Variants in THRB observed in about 807,000 individuals in gnomAD.
The protein encoded by THRB is thyroid hormone receptor beta, also known as nuclear receptor subfamily 1 group A member 2.
In THRB, 12 loss-of-function variants were observed where a neutral mutation model predicts 47.8. The observed-to-expected ratio is 0.25, with a 90% CI of 0.16 to 0.41. THRB has a LOEUF of 0.41. Among genes scored for constraint, THRB ranks in the 10% least tolerant of loss-of-function variants. THRB has a pLI of 1.00. For synonymous variants in THRB, 218 were observed against 212.2 expected (o/e 1.03, Z -0.24); for missense variants, 348 against 589.2 (o/e 0.59, Z 4.24).
At chr3:24,449,315 G>A (rs1458756962) in intron 1 of THRB, among the ~76,000 whole-genome samples, 2 of 152,038 alleles carry the variant, frequency 1.3e-5, no homozygotes, top group Admixed American at 6.6e-5. Context: ...AGCAGGGAAG[G>A]TCACTTTCAT....
intron 5 of THRB, among the ~76,000 whole-genome samples, chr3:24,168,207 ATTGAAT>A (rs2039907851): frequency 6.6e-6 from 1 of 152,146 alleles, no homozygotes; most frequent in African/African-American, 2.4e-5. Context: ...CAACACTTAC[ATTGAAT>A]TTGAAATATG....
At chr3:24,451,698 C>T (rs569625399) in intron 1 of THRB, among the ~76,000 whole-genome samples, 181 of 152,340 alleles carry the variant, frequency 1.2e-3, no homozygotes, top group Middle Eastern at 6.8e-3. Flanking sequence ...TGGAAAGGCT[C>T]ATCTCCTCAG....
At chr3:24,336,275 T>G (rs1206318112) in intron 2 of THRB, among the ~76,000 whole-genome samples, 1 of 152,170 alleles carries the variant, frequency 6.6e-6, no homozygotes, top group Non-Finnish European at 1.5e-5. Context: ...TACAATCAGA[T>G]AGCACCACCC....
At chr3:24,324,177 T>A (rs1303676116) in intron 2 of THRB, among the ~76,000 whole-genome samples, 1 of 152,132 alleles carries the variant, frequency 6.6e-6, no homozygotes, top group Non-Finnish European at 1.5e-5. Flanking sequence ...ACACCGCACA[T>A]CTCAGTTTCT....
In THRB at chr3:24,141,719, T is replaced by C. The variant is rs75218240; in HGVS notation, c.738+1782A>G. On this transcript the variant is annotated intron_variant, in intron 8 of 10. Coordinates refer to ENST00000646209, the MANE Select transcript of THRB (RefSeq NM_001354712.2). The stretch of plus-strand genomic sequence containing the variant: ...CCTTCTCTATGGGGAGTAAAGACAA[T>C]AAAAGTATAAAATTCCCGGGAGAAG... Among the ~76,000 whole-genome samples, 735 of 152,252 alleles carry C rather than the reference T, an allele frequency of 4.8e-3. 1 individual carries two copies. Among genetic ancestry groups the C allele is most frequent in the Non-Finnish European group, 7.3e-3 (494 of 68,004 alleles).
intron 3 of THRB, among the ~76,000 whole-genome samples, chr3:24,243,068 GAAAAAAAAAAAAAAA>G: frequency 1.1e-5 from 1 of 91,966 alleles, no homozygotes; most frequent in East Asian, 3.5e-4. Flanking sequence ...GCGCACCTTT[GAAAAAAAAAAAAAAA>G]AAAAAAAAAA....
intron 1 of THRB, among the ~76,000 whole-genome samples, chr3:24,369,794 A>G (rs1443102989): frequency 6.6e-6 from 1 of 152,178 alleles, no homozygotes; most frequent in African/African-American, 2.4e-5. Flanking sequence ...CTGCACAATC[A>G]TTGGCTATAA....
intron 2 of THRB, among the ~76,000 whole-genome samples, chr3:24,305,959 C>A (rs541139083): frequency 3.9e-5 from 6 of 152,156 alleles, no homozygotes; most frequent in African/African-American, 9.7e-5. Context: ...ATCTCCTCCC[C>A]CAATGGGCTT....
Position 24,303,204 on chromosome 3 carries a change from CAG to C in THRB, c.-188-5835_-188-5834del, listed in dbSNP as rs1374074239. On this transcript the variant is annotated intron_variant, in intron 2 of 10. Transcript: ENST00000646209. The stretch of plus-strand genomic sequence containing the variant: ...AACAAATACAAAGAAAAAACAAATA[CAG>C]AGACTCCTCCCTGTGTCTAGGCCCT... Among the ~76,000 whole-genome samples the C allele has an allele frequency of 2.0e-5, 3 of 152,112 alleles. No individual in the cohort carries two copies. In the East Asian group the frequency reaches 5.8e-4, roughly 29 times the overall value.
At chr3:24,425,139 A>C (rs938560231) in intron 1 of THRB, among the ~76,000 whole-genome samples, 3 of 151,844 alleles carry the variant, frequency 2.0e-5, no homozygotes, top group Non-Finnish European at 4.4e-5. Context: ...TCTTGGGATC[A>C]GTTTTCAAGA....
At chr3:24,333,004 G>A (rs1298696112) in intron 2 of THRB, among the ~76,000 whole-genome samples, 1 of 152,122 alleles carries the variant, frequency 6.6e-6, no homozygotes, top group African/African-American at 2.4e-5. Context: ...AGAATGGCGT[G>A]AACCGGGAGG....
intron 3 of THRB, among the ~76,000 whole-genome samples, chr3:24,243,153 G>A (rs9839934): frequency 1.3e-5 from 2 of 150,184 alleles, no homozygotes; most frequent in African/African-American, 4.9e-5. Flanking sequence ...GCCTCAGTTT[G>A]TAAAGCAGCG....
chr3:24,270,362 T>C (rs976731256), intron 3 of THRB, among the ~76,000 whole-genome samples: 2 of 152,186 alleles, frequency 1.3e-5, no homozygotes, highest in Non-Finnish European at 1.5e-5. Flanking sequence ...ACTCCCTGAC[T>C]CACTTTAAAA....
At chr3:24,157,646 C>T (rs571544845) in intron 5 of THRB, among the ~76,000 whole-genome samples, 1 of 152,174 alleles carries the variant, frequency 6.6e-6, no homozygotes, top group South Asian at 2.1e-4. Context: ...CCTCCCAGCT[C>T]AGCTTCCTGA....
Position 24,121,913 on chromosome 3 carries a change from C to T in THRB, c.*971G>A. 6.6e-6 allele frequency: 1 copy of T among 152,646 alleles called. No individual in the cohort carries two copies. The highest frequency in any genetic ancestry group is 1.9e-4 in the East Asian group (1 of 5,198). The allele number at this position is 152,646 out of a possible 1,614,324, so 9.5% of individuals were successfully genotyped here. On this transcript the variant is annotated 3_prime_UTR_variant, in exon 11 of 11. Coordinates refer to ENST00000646209, the MANE Select transcript of THRB (RefSeq NM_001354712.2). ...TCTCCAGAAGAAGACTGAAGTTTCACCGTATCTTTCCTTGATTAGAATATT... is the reference window on the plus strand; with the variant it reads ...TCTCCAGAAGAAGACTGAAGTTTCATCGTATCTTTCCTTGATTAGAATATT...
intron 3 of THRB, among the ~76,000 whole-genome samples, chr3:24,233,815 G>A (rs1290137092): frequency 6.6e-6 from 1 of 152,208 alleles, no homozygotes; most frequent in Admixed American, 6.5e-5. Context: ...ACAGAGTGCA[G>A]GCATGTTCAG....
chr3:24,231,184 GATA>G (rs2048226047), intron 3 of THRB, among the ~76,000 whole-genome samples: 2 of 152,206 alleles, frequency 1.3e-5, no homozygotes, highest in South Asian at 4.1e-4. Flanking sequence ...AATCCTGACT[GATA>G]ATATTAAAAT....
At chr3:24,246,530 G>A (rs767392454) in intron 3 of THRB, among the ~76,000 whole-genome samples, 2 of 152,110 alleles carry the variant, frequency 1.3e-5, no homozygotes, top group African/African-American at 2.4e-5. Flanking sequence ...ATGATACTGA[G>A]TAGAAGAGAT....
At chr3:24,312,206 C>G (rs572345012) in intron 2 of THRB, among the ~76,000 whole-genome samples, 32 of 152,352 alleles carry the variant, frequency 2.1e-4, no homozygotes, top group African/African-American at 7.0e-4. Context: ...GTGCCCCACC[C>G]ATGTGGGGGG....
Sources: allele counts gnomAD v4.1 joint callset (sites outside exome capture counted in the v4.1 genomes callset), GRCh38; gene constraint gnomAD v4.1.1; transcripts MANE v1.5; gene names NCBI Gene and HGNC (gene_info 2026-07-23, HGNC 2026-07-21).